Variants in ZNF618 observed in about 807,000 individuals in gnomAD.
ZNF618 encodes neural precursor cell expressed, developmentally down-regulated 10.
Under a neutral mutation model 103.0 loss-of-function variants are expected in ZNF618, and 34 were observed. That is an observed-to-expected ratio of 0.33 (90% confidence interval 0.25 to 0.44). The LOEUF (loss-of-function observed/expected upper bound fraction) is 0.44, where lower values mean the gene tolerates loss of function less well. Ranked by LOEUF, ZNF618 falls within the 20% of genes least tolerant of loss-of-function variation. The pLI is 1.00. For missense variants in ZNF618, 1,059 were observed against 1,295.4 expected (o/e 0.82, Z 2.80); for synonymous variants, 551 against 542.2 (o/e 1.02, Z -0.23).
intron 2 of ZNF618, among the ~76,000 whole-genome samples, chr9:113,975,935 G>A (rs922778678): frequency 2.6e-5 from 4 of 152,064 alleles, no homozygotes; most frequent in African/African-American, 9.7e-5. Context: ...GGCAAAGTTT[G>A]TCCACAAAAA....
chr9:113,892,185 T>C (rs547793129), intron 1 of ZNF618, among the ~76,000 whole-genome samples: 8 of 152,170 alleles, frequency 5.3e-5, no homozygotes, highest in African/African-American at 1.2e-4. Flanking sequence ...CGTGGGGGAT[T>C]GGTTCCATGC....
intron 1 of ZNF618, among the ~76,000 whole-genome samples, chr9:113,951,515 G>GTGTGCACATATATGTGTA (rs1564207712): frequency 0.11 from 3,898 of 36,596 alleles, 417 homozygotes; most frequent in East Asian, 0.37. Flanking sequence ...ATATATGTGT[G>GTGTGCACATATATGTGTA]TATATGTACA....
chr9:113,965,188 A>G (rs1837277875), intron 1 of ZNF618, among the ~76,000 whole-genome samples: 1 of 152,050 alleles, frequency 6.6e-6, no homozygotes, highest in Non-Finnish European at 1.5e-5. Context: ...TTTTATCGAA[A>G]TCGTTGGCCA....
chr9:113,876,519 G>A, intron 1 of ZNF618, 106 bp downstream of exon 1: 1 of 946,914 alleles, frequency 1.1e-6, no homozygotes, highest in Non-Finnish European at 1.3e-6. Flanking sequence ...CAAAGTGCCT[G>A]GGCACGTTTG....
In ZNF618 at chr9:114,028,920, C is replaced by G; in HGVS notation, c.1032C>G (p.Thr344=). The G allele has an allele frequency of 6.4e-7, 1 of 1,550,824 alleles. No individual in the cohort carries two copies. The highest frequency in any genetic ancestry group is 8.7e-7 in the Non-Finnish European group (1 of 1,147,014). The change falls in exon 11 of 15, where the codon ACC becomes ACG. Residue 344 remains threonine (T), a synonymous_variant. Transcript: ENST00000374126. ...ACCGCACCCCTCCAGCCACCCAAAC[C>G]CAGACGTTCCGCACTCCAAATTCGG... ...LLHRTPPATQ[T]QTFRTPNSGS...
chr9:113,885,845 G>A (rs929262975), intron 1 of ZNF618, among the ~76,000 whole-genome samples: 4 of 152,268 alleles, frequency 2.6e-5, no homozygotes, highest in African/African-American at 7.2e-5. Context: ...AGGTGAGGAT[G>A]GTATTGAGTC....
chr9:113,908,618 C>T (rs1462596849), intron 1 of ZNF618, among the ~76,000 whole-genome samples: 1 of 152,060 alleles, frequency 6.6e-6, no homozygotes, highest in Non-Finnish European at 1.5e-5. Flanking sequence ...GGGAAGTCAG[C>T]CCCGAGGCAG....
At chr9:113,910,411 A>G (rs1334259624) in intron 1 of ZNF618, among the ~76,000 whole-genome samples, 1 of 152,130 alleles carries the variant, frequency 6.6e-6, no homozygotes, top group Non-Finnish European at 1.5e-5. Flanking sequence ...GCTGGGGTGG[A>G]CCTGCAGCCC....
Position 114,048,132 on chromosome 9 carries a change from C to G in ZNF618, c.1348+138C>G, listed in dbSNP as rs532804352. 900 of 760,012 alleles carry G rather than the reference C, an allele frequency of 1.2e-3. 2 individuals are homozygous for G. Among genetic ancestry groups the G allele is most frequent in the Non-Finnish European group, 1.7e-3 (785 of 473,070 alleles). 47.1% of individuals were successfully genotyped at this position (760,012 alleles called of 1,614,324 possible). On this transcript the variant is annotated intron_variant, in intron 14 of 14. Transcript: ENST00000374126. ...GATAGTTTCCAAAGCACTTTTACAC[C>G]TAAGACCTTATTTGCAGGAGTTCTT...
chr9:113,951,401 ACG>A (rs374281864), intron 1 of ZNF618, among the ~76,000 whole-genome samples: 5 of 67,946 alleles, frequency 7.4e-5, no homozygotes, highest in African/African-American at 2.9e-4. Flanking sequence ...CTATATATAT[ACG>A]TATATATACA....
In ZNF618 at chr9:114,049,324, C is replaced by T. The variant is rs749131239; in HGVS notation, c.2022C>T (p.Ser674=). 1 of 1,611,588 alleles carries T rather than the reference C, an allele frequency of 6.2e-7. No individual in the cohort carries two copies. The highest frequency in any genetic ancestry group is 1.1e-5 in the South Asian group (1 of 91,006). The change falls in exon 15 of 15, where the codon TCC becomes TCT. Residue 674 remains serine (S), a synonymous_variant. Coordinates refer to ENST00000374126, the MANE Select transcript of ZNF618 (RefSeq NM_001318042.2). ...LLNVCEDLAG[S]TGLAKETFGS... Reference sequence around the variant, plus strand: ...ACGTGTGCGAGGACCTGGCGGGCTCCACGGGCCTGGCCAAGGAGACCTTCG... The same window carrying T: ...ACGTGTGCGAGGACCTGGCGGGCTCTACGGGCCTGGCCAAGGAGACCTTCG...
chr9:113,927,509 G>A (rs532269523), intron 1 of ZNF618, among the ~76,000 whole-genome samples: 38 of 152,204 alleles, frequency 2.5e-4, no homozygotes, highest in Non-Finnish European at 4.6e-4. Flanking sequence ...CCTCTCATTG[G>A]TTCTCAGTCT....
At position 114,049,354 on chromosome 9, in the gene ZNF618, G is replaced by C; in HGVS notation, c.2052G>C (p.Ser684=). ...GCCTGGCCAAGGAGACCTTCGGGTC[G>C]CTGGAGGAGACGTCTCCACCACCCT... is the stretch of plus-strand genomic sequence containing the variant. ...STGLAKETFG[S]LEETSPPPCW... Residue 684 remains serine, a synonymous_variant, in exon 15 of 15, where the codon TCG becomes TCC. Transcript: ENST00000374126. The C allele has an allele frequency of 6.2e-7, 1 of 1,609,298 alleles. No individual in the cohort carries two copies. Among genetic ancestry groups the C allele is most frequent in the Non-Finnish European group, 8.5e-7 (1 of 1,178,494 alleles).
At chr9:114,009,528 C>T (rs1842055805) in intron 9 of ZNF618, among the ~76,000 whole-genome samples, 2 of 152,208 alleles carry the variant, frequency 1.3e-5, no homozygotes, top group African/African-American at 2.4e-5. Flanking sequence ...GGGCAGGTGC[C>T]GTGGGACCAC....
At chr9:113,965,735 T>G (rs543001781) in intron 1 of ZNF618, among the ~76,000 whole-genome samples, 1 of 152,144 alleles carries the variant, frequency 6.6e-6, no homozygotes, top group Non-Finnish European at 1.5e-5. Context: ...AAAATGAGAC[T>G]CAGAGCCAGG....
intron 1 of ZNF618, among the ~76,000 whole-genome samples, chr9:113,911,554 C>T (rs1831550156): frequency 6.6e-6 from 1 of 151,992 alleles, no homozygotes; most frequent in Non-Finnish European, 1.5e-5. Context: ...GTCTCGAGCT[C>T]CTGACCTCAG....
Position 114,050,442 on chromosome 9 carries a change from G to GCACACACACACA in ZNF618, c.*297_*308dup, listed in dbSNP as rs113819665. 4.1e-3 allele frequency: 857 copies of GCACACACACACA among 210,418 alleles called. 5 individuals are homozygous for GCACACACACACA. Among genetic ancestry groups the GCACACACACACA allele is most frequent in the African/African-American group, 0.011 (447 of 40,882 alleles). 13.0% of individuals were successfully genotyped at this position (210,418 alleles called of 1,614,324 possible). ...ATGGCCAGAGAAACTTTGCACACAC[G>GCACACACACACA]CACACACACACACACACACACACAC... is the stretch of plus-strand genomic sequence containing the variant. On this transcript the variant is annotated 3_prime_UTR_variant, in exon 15 of 15. Coordinates refer to ENST00000374126, the MANE Select transcript of ZNF618 (RefSeq NM_001318042.2).
At chr9:113,963,003 T>C (rs911132739) in intron 1 of ZNF618, among the ~76,000 whole-genome samples, 1 of 152,206 alleles carries the variant, frequency 6.6e-6, no homozygotes, top group Non-Finnish European at 1.5e-5. Flanking sequence ...ATGAGTGAAT[T>C]TTCCTTATTT....
At chr9:113,913,104 ATTT>A (rs1202104632) in intron 1 of ZNF618, among the ~76,000 whole-genome samples, 1 of 151,972 alleles carries the variant, frequency 6.6e-6, no homozygotes, top group Non-Finnish European at 1.5e-5. Context: ...AGCAGAGTGG[ATTT>A]CACCAGGAAC....
Sources: gnomAD v4.1 joint callset for allele counts (sites outside exome capture counted in the v4.1 genomes callset) on GRCh38, gnomAD v4.1.1 for gene constraint, MANE v1.5 for transcripts, NCBI Gene and HGNC (gene_info 2026-07-23, HGNC 2026-07-21) for gene names.